ATP11A: variants seen among roughly 807,000 people sequenced by gnomAD.
The protein encoded by ATP11A is ATPase phospholipid transporting 11A, also known as phospholipid-transporting ATPase IH.
ATP11A carries 81 observed loss-of-function variants against 154.4 expected under a neutral mutation model. The ratio of observed to expected loss-of-function variants is 0.52; its 90% confidence interval spans 0.44 to 0.63. The LOEUF (loss-of-function observed/expected upper bound fraction) is 0.63, where lower values mean the gene tolerates loss of function less well. Ranked by LOEUF, ATP11A falls within the 30% of genes least tolerant of loss-of-function variation. The pLI is 0.00. For missense variants in ATP11A, 1,316 were observed against 1,474.3 expected, an observed-to-expected ratio of 0.89 and a Z score of 1.76; for synonymous variants, 623 against 585.9, an observed-to-expected ratio of 1.06 and a Z score of -0.91.
At chr13:112,843,023 G>T (rs900729394) in intron 17 of ATP11A, among the ~76,000 whole-genome samples, 10 of 152,218 alleles carry the variant, frequency 6.6e-5, no homozygotes, top group Non-Finnish European at 1.3e-4. Flanking sequence ...GGCTGGGGTG[G>T]ACACGCTCCC....
chr13:112,842,257 C>A lies in ATP11A; in HGVS notation c.1706-19C>A, dbSNP rs546058617. The A allele has an allele frequency of 1.9e-6, 3 of 1,569,036 alleles. No homozygotes were observed. Among genetic ancestry groups the A allele is most frequent in the African/African-American group, 2.7e-5 (2 of 74,264 alleles). ...TTCCCCATATTGTGATTAAACTCCTCATTTTTCTCATTTTGTAGGAGAAAT... is the reference window on the plus strand; with the variant it reads ...TTCCCCATATTGTGATTAAACTCCTAATTTTTCTCATTTTGTAGGAGAAAT... On this transcript the variant is annotated intron_variant, in intron 16 of 29. Coordinates refer to ENST00000375645, the MANE Select transcript of ATP11A (RefSeq NM_015205.3).
chr13:112,699,039 C>G (rs1270218040), intron 1 of ATP11A, among the ~76,000 whole-genome samples: 3 of 152,152 alleles, frequency 2.0e-5, no homozygotes, highest in African/African-American at 2.4e-5. Context: ...TTAAACCAAT[C>G]CTTTAAATCT....
intron 1 of ATP11A, among the ~76,000 whole-genome samples, chr13:112,705,568 G>A (rs180977728): frequency 1.3e-5 from 2 of 152,284 alleles, no homozygotes; most frequent in East Asian, 3.9e-4. Context: ...AAGGGTGTCC[G>A]GGACGGGGCA....
At chr13:112,691,114 G>A (rs1050174474) in intron 1 of ATP11A, among the ~76,000 whole-genome samples, 1 of 152,168 alleles carries the variant, frequency 6.6e-6, no homozygotes, top group African/African-American at 2.4e-5. Flanking sequence ...AAGGGGAAAA[G>A]TTGATTTTGT....
At chr13:112,759,083 C>T (rs1594578763) in intron 1 of ATP11A, among the ~76,000 whole-genome samples, 1 of 152,184 alleles carries the variant, frequency 6.6e-6, no homozygotes, top group Non-Finnish European at 1.5e-5. Flanking sequence ...GCAACGTGTG[C>T]AGGGTATAGA....
In ATP11A at chr13:112,859,008, C is replaced by A; in HGVS notation, c.2668-385C>A. 2 of 282,878 alleles carry A rather than the reference C, an allele frequency of 7.1e-6. No homozygotes were observed. The highest frequency in any genetic ancestry group is 6.9e-6 in the Non-Finnish European group (1 of 145,228). The allele number at this position is 282,878 out of a possible 1,614,324, so 17.5% of individuals were successfully genotyped here. On this transcript the variant is annotated intron_variant, in intron 22 of 29. Coordinates refer to ENST00000375645, the MANE Select transcript of ATP11A (RefSeq NM_015205.3). The surrounding 1 kb of genome is among the most constrained non-coding windows in gnomAD (Gnocchi z 4.3). ...GGGCCTGCCGTGCCGCGGGAGGAGA[C>A]CCCCAGCCCTTTTCTCCCCCCACAG...
intron 1 of ATP11A, among the ~76,000 whole-genome samples, chr13:112,780,489 G>C (rs1566470994): frequency 6.6e-6 from 1 of 152,244 alleles, no homozygotes; most frequent in Non-Finnish European, 1.5e-5. Flanking sequence ...GTTGCTGTGG[G>C]TGTCGGCGCT....
chr13:112,729,907 A>G (rs981539179), intron 1 of ATP11A, among the ~76,000 whole-genome samples: 10 of 152,222 alleles, frequency 6.6e-5, no homozygotes, highest in African/African-American at 2.4e-4. Context: ...GCTCCTGACA[A>G]TGGTTTGGCC....
At chr13:112,722,666 C>T (rs1287947511) in intron 1 of ATP11A, among the ~76,000 whole-genome samples, 1 of 152,112 alleles carries the variant, frequency 6.6e-6, no homozygotes, top group Non-Finnish European at 1.5e-5. Context: ...TGGGTGAGGG[C>T]CCTTCAAATT....
At chr13:112,761,452 C>G (rs975834885) in intron 1 of ATP11A, among the ~76,000 whole-genome samples, 1 of 152,162 alleles carries the variant, frequency 6.6e-6, no homozygotes, top group Admixed American at 6.5e-5. Flanking sequence ...TTGTTAATCT[C>G]TTACTGTGCC....
intron 1 of ATP11A, among the ~76,000 whole-genome samples, chr13:112,763,603 C>G (rs554504371): frequency 6.6e-6 from 1 of 152,310 alleles, no homozygotes; most frequent in South Asian, 2.1e-4. Context: ...TTAGGCTCTG[C>G]TAAGAGACAC....
Position 112,765,343 on chromosome 13 carries a change from C to T in ATP11A, c.40-19792C>T, listed in dbSNP as rs370659408. On this transcript the variant is annotated intron_variant, in intron 1 of 29. Transcript: ENST00000375645. Reference sequence around the variant, plus strand: ...CTGAGGACGCCTGGAACCCCAGGCCCGCCCTGCCTTGTTTTCTGGTCCTGG... The same window carrying T: ...CTGAGGACGCCTGGAACCCCAGGCCTGCCCTGCCTTGTTTTCTGGTCCTGG... Among the ~76,000 whole-genome samples the T allele has an allele frequency of 1.1e-4, 16 of 152,260 alleles. 1 individual carries two copies. The highest frequency in any genetic ancestry group is 5.2e-4 in the Admixed American group (8 of 15,296).
intron 15 of ATP11A, 69 bp from the exon 16 acceptor site, chr13:112,836,109 C>T: frequency 8.3e-7 from 1 of 1,200,670 alleles, no homozygotes; most frequent in Non-Finnish European, 1.2e-6. Context: ...GTGGAGAGCT[C>T]CACAGTTACC....
chr13:112,701,876 G>A (rs554741368), intron 1 of ATP11A, among the ~76,000 whole-genome samples: 2 of 152,088 alleles, frequency 1.3e-5, no homozygotes, highest in African/African-American at 4.8e-5. Flanking sequence ...TAGGTTCCGC[G>A]TCGCCCTTTT....
At chr13:112,752,291 G>A (rs142106463) in intron 1 of ATP11A, among the ~76,000 whole-genome samples, 46 of 152,306 alleles carry the variant, frequency 3.0e-4, no homozygotes, top group Middle Eastern at 3.4e-3. Flanking sequence ...GGGGCTCGGG[G>A]CCGGGAGGAG....
intron 1 of ATP11A, among the ~76,000 whole-genome samples, chr13:112,723,186 TTC>T (rs1410863576): frequency 6.6e-6 from 1 of 151,262 alleles, no homozygotes; most frequent in African/African-American, 2.4e-5. Flanking sequence ...CTGGTTTTTT[TTC>T]TTCGATCCTG....
intron 1 of ATP11A, among the ~76,000 whole-genome samples, chr13:112,718,676 T>TC (rs1888790628): frequency 1.4e-5 from 2 of 146,206 alleles, no homozygotes; most frequent in Admixed American, 1.4e-4. Context: ...CTGCACTTTT[T>TC]TTTTTTTTTT....
chr13:112,722,164 A>G (rs1225812158), intron 1 of ATP11A, among the ~76,000 whole-genome samples: 2 of 152,066 alleles, frequency 1.3e-5, no homozygotes, highest in East Asian at 1.9e-4. Flanking sequence ...ACAGGTGCCA[A>G]AGTGGTCGGG....
At chr13:112,699,024 G>T (rs1324211158) in intron 1 of ATP11A, among the ~76,000 whole-genome samples, 1 of 152,144 alleles carries the variant, frequency 6.6e-6, no homozygotes, top group Non-Finnish European at 1.5e-5. Flanking sequence ...CACCGCGCCT[G>T]GTCTTTAAAC....
Sources: allele counts gnomAD v4.1 joint callset (sites outside exome capture counted in the v4.1 genomes callset), GRCh38; gene constraint gnomAD v4.1.1; non-coding constraint Gnocchi (gnomAD v3.1); transcripts MANE v1.5; gene names NCBI Gene and HGNC (gene_info 2026-07-23, HGNC 2026-07-21).